COL4A3: variants seen among roughly 807,000 people sequenced by gnomAD.
COL4A3 encodes collagen type IV alpha 3 chain, also known as collagen alpha-3(IV) chain.
COL4A3 carries 135 observed loss-of-function variants against 217.4 expected under a neutral mutation model. The observed-to-expected ratio is 0.62, with a 90% confidence interval of 0.54 to 0.72. COL4A3 has a LOEUF of 0.72. Among genes scored for constraint, COL4A3 ranks in the 30% least tolerant of loss-of-function variants. The probability of loss-of-function intolerance (pLI) is 0.00; values close to 1 mark genes in which losing one functional copy is unlikely to be tolerated. For synonymous variants in COL4A3, 690 were observed against 736.3 expected (o/e 0.94, Z 1.02); for missense variants, 1,868 against 2,119.9 (o/e 0.88, Z 2.33).
chr2:227,289,416 G>C (rs539548777), intron 35 of COL4A3, among the ~76,000 whole-genome samples, 168 bp downstream of exon 35: 1 of 152,294 alleles, frequency 6.6e-6, no homozygotes, highest in South Asian at 2.1e-4. Flanking sequence ...GATAGTTGGC[G>C]TGTCATTAAC....
In COL4A3 at chr2:227,311,929, A is replaced by G. The variant is rs370641364; in HGVS notation, c.*59A>G. The G allele has an allele frequency of 1.2e-5, 19 of 1,604,556 alleles. No individual in the cohort carries two copies. Among genetic ancestry groups the G allele is most frequent in the Non-Finnish European group, 1.4e-5 (17 of 1,174,508 alleles). ...TCCTAAAGAACAAAGTAATGACAGA[A>G]CATGCTGTTATTTAGGTATTTTTCT... is the stretch of plus-strand genomic sequence containing the variant. On this transcript the variant is annotated 3_prime_UTR_variant, in exon 52 of 52. Coordinates refer to ENST00000396578, the MANE Select transcript of COL4A3 (RefSeq NM_000091.5).
chr2:227,296,825 C>T (rs1225085024), intron 41 of COL4A3, among the ~76,000 whole-genome samples: 2 of 152,106 alleles, frequency 1.3e-5, no homozygotes, highest in Non-Finnish European at 2.9e-5. Context: ...ATAATAACTC[C>T]CCAAGCCCTC....
chr2:227,302,594 T>C (rs890767826), intron 43 of COL4A3, among the ~76,000 whole-genome samples: 1 of 146,536 alleles, frequency 6.8e-6, no homozygotes, highest in Non-Finnish European at 1.5e-5. Flanking sequence ...TGACAATTAC[T>C]TGAATGTGGG....
intron 1 of COL4A3, among the ~76,000 whole-genome samples, chr2:227,229,140 C>T (rs1416134533): frequency 1.3e-5 from 2 of 152,154 alleles, no homozygotes; most frequent in Non-Finnish European, 2.9e-5. Context: ...AAGCGATGTG[C>T]AGGTGAGACA....
intron 47 of COL4A3, 87 bp from the exon 48 acceptor site, chr2:227,307,623 A>G (rs1401351738): frequency 9.3e-7 from 1 of 1,074,956 alleles, no homozygotes; most frequent in African/African-American, 1.6e-5. Flanking sequence ...GGCTCAACAT[A>G]TATAAAATAT....
In COL4A3 at chr2:227,250,813, C is replaced by T. The variant is rs891267095; in HGVS notation, c.547-327C>T. Among the ~76,000 whole-genome samples, 1 of 151,672 alleles carries T rather than the reference C, an allele frequency of 6.6e-6. No individual in the cohort carries two copies. The highest frequency in any genetic ancestry group is 1.5e-5 in the Non-Finnish European group (1 of 67,928). The stretch of plus-strand genomic sequence containing the variant: ...AGGGAGAGCAGGTGGCAGGCCCTAA[C>T]GTAGGAGCATGCTTGGCCAAAATGA... On this transcript the variant is annotated intron_variant, in intron 9 of 51. Coordinates refer to ENST00000396578, the MANE Select transcript of COL4A3 (RefSeq NM_000091.5). This position sits in a 1 kb window ranked among gnomAD's most constrained non-coding sequence, Gnocchi z 4.1.
chr2:227,305,049 AG>A lies in COL4A3; in HGVS notation c.4219del (p.Glu1407LysfsTer22). 6.2e-7 allele frequency: 1 copy of A among 1,613,912 alleles called. No individual in the cohort carries two copies. The highest frequency in any genetic ancestry group is 8.5e-7 in the Non-Finnish European group (1 of 1,179,872). On this transcript the variant is annotated frameshift_variant, in exon 47 of 52. Transcript: ENST00000396578. LOFTEE classifies it high-confidence loss of function. Reference protein sequence around the residue: ...GKPGTPGPAGEKGNKGSKGEP... With the variant: ...GKPGTPGPAGXKGNKGSKGEP... ...AACCAGGAACTCCTGGACCAGCTGG[AG>A]AAAAAGGCAACAAAGGTTCTAAAGG...
At chr2:227,168,875 T>C (rs1477195601) in intron 1 of COL4A3, among the ~76,000 whole-genome samples, 1 of 124,286 alleles carries the variant, frequency 8.0e-6, no homozygotes, top group African/African-American at 4.8e-5. Flanking sequence ...TCTTTCCTTC[T>C]TTTTTTTCTT....
intron 19 of COL4A3, 41 bp from the exon 20 acceptor site, chr2:227,261,041 T>G: frequency 6.4e-7 from 1 of 1,550,796 alleles, no homozygotes; most frequent in South Asian, 1.1e-5. Context: ...GGACAGCATT[T>G]ATATCTTTCT....
At chr2:227,176,872 G>C (rs1186199575) in intron 1 of COL4A3, among the ~76,000 whole-genome samples, 1 of 152,174 alleles carries the variant, frequency 6.6e-6, no homozygotes, top group East Asian at 1.9e-4. Flanking sequence ...AGAATGATAG[G>C]ATAATTTTAT....
chr2:227,167,619 A>C (rs2065325816), intron 1 of COL4A3, among the ~76,000 whole-genome samples: 1 of 152,240 alleles, frequency 6.6e-6, no homozygotes. Context: ...CAAATGTCAA[A>C]ACGTGAAAAA....
chr2:227,229,656 G>A (rs1210638675), intron 1 of COL4A3, among the ~76,000 whole-genome samples: 1 of 152,172 alleles, frequency 6.6e-6, no homozygotes. Context: ...TGAGTGCAGG[G>A]TACCAGGCAG....
chr2:227,216,169 A>C (rs983806611), intron 1 of COL4A3, among the ~76,000 whole-genome samples: 5 of 152,210 alleles, frequency 3.3e-5, no homozygotes, highest in African/African-American at 1.2e-4. Flanking sequence ...AACAATGTGA[A>C]TGTACTTAAC....
chr2:227,247,441 C>T (rs1197216616), intron 7 of COL4A3, 117 bp from the exon 8 acceptor site: 16 of 913,744 alleles, frequency 1.8e-5, no homozygotes, highest in South Asian at 1.0e-4. Flanking sequence ...CTTTGTAAGG[C>T]CGTGGGAGGT....
intron 29 of COL4A3, 106 bp from the exon 30 acceptor site, chr2:227,280,334 A>G: frequency 8.0e-7 from 1 of 1,252,538 alleles, no homozygotes; most frequent in Non-Finnish European, 1.2e-6. Flanking sequence ...AGTTGATGAC[A>G]TGGTAGTGGC....
intron 1 of COL4A3, chr2:227,222,606 A>G (rs574078313): frequency 6.6e-6 from 1 of 152,352 alleles, no homozygotes; most frequent in Admixed American, 6.5e-5. Context: ...GTTATAAGTC[A>G]GTTATGCACA....
rs2072036201 is a variant in COL4A3, at chr2:227,282,343, T to C, written c.2489-22T>C. On this transcript the variant is annotated intron_variant, in intron 31 of 51. Coordinates refer to ENST00000396578, the MANE Select transcript of COL4A3 (RefSeq NM_000091.5). The surrounding 1 kb of genome is among the most constrained non-coding windows in gnomAD (Gnocchi z 4.4). Reference sequence around the variant, plus strand: ...GGAAAGCATTTGTGGGTTAATTAATTCATTCATTTATTCGTACACAGGCAG... The same window carrying C: ...GGAAAGCATTTGTGGGTTAATTAATCCATTCATTTATTCGTACACAGGCAG... 6.3e-7 allele frequency: 1 copy of C among 1,597,382 alleles called. No homozygotes were observed. Among genetic ancestry groups the C allele is most frequent in the African/African-American group, 1.4e-5 (1 of 73,468 alleles).
chr2:227,296,510 T>A (rs1206208934), intron 41 of COL4A3: 1 of 982,014 alleles, frequency 1.0e-6, no homozygotes, highest in Non-Finnish European at 1.2e-6. Context: ...GGAGAAGAGT[T>A]CATTGAGACT....
intron 1 of COL4A3, chr2:227,237,750 C>G: frequency 4.3e-6 from 2 of 460,618 alleles, no homozygotes; most frequent in South Asian, 4.0e-5. Context: ...GTATTCTTAT[C>G]CGACATTTCT....
Sources: gnomAD v4.1 joint callset for allele counts (sites outside exome capture counted in the v4.1 genomes callset) on GRCh38, gnomAD v4.1.1 for gene constraint, Gnocchi (gnomAD v3.1) non-coding constraint, MANE v1.5 for transcripts, NCBI Gene and HGNC (gene_info 2026-07-23, HGNC 2026-07-21) for gene names.